DECR1: variants seen among roughly 807,000 people sequenced by gnomAD.
DECR1 encodes 2,4-dienoyl-CoA reductase 1.
Under a neutral mutation model 38.8 loss-of-function variants are expected in DECR1, and 44 were observed. The ratio of observed to expected loss-of-function variants is 1.13; its 90% confidence interval spans 0.89 to 1.46. The LOEUF is 1.46. DECR1 is among the 40% of genes most tolerant of loss of function. DECR1 has a pLI of 0.00. For missense variants in DECR1, 428 were observed against 405.5 expected (o/e 1.06, Z -0.48); for synonymous variants, 148 against 135.2 (o/e 1.09, Z -0.66).
Position 90,018,970 on chromosome 8 carries a change from C to T in DECR1, c.330+4C>T. 1.3e-6 allele frequency: 2 copies of T among 1,588,624 alleles called. No individual in the cohort carries two copies. Among genetic ancestry groups the T allele is most frequent in the South Asian group, 1.1e-5 (1 of 88,784 alleles). On this transcript the variant is annotated splice_donor_region_variant and intron_variant, in intron 3 of 9. Coordinates refer to ENST00000220764, the MANE Select transcript of DECR1 (RefSeq NM_001359.2). Reference sequence around the variant, plus strand: ...TTCTTCTCAAACTGGAAATAAGGTACATTAAAAATCAGTTATTTAATTTAG... The same window carrying T: ...TTCTTCTCAAACTGGAAATAAGGTATATTAAAAATCAGTTATTTAATTTAG...
chr8:90,023,473 A>G (rs1449748289), intron 5 of DECR1, among the ~76,000 whole-genome samples: 2 of 152,000 alleles, frequency 1.3e-5, no homozygotes, highest in Non-Finnish European at 2.9e-5. Flanking sequence ...TTCCTTCCCA[A>G]CTGATAAGCC....
At chr8:90,051,602 A>G (rs1291924463) in intron 8 of DECR1, 75 bp from the exon 9 acceptor site, 9 of 1,160,196 alleles carry the variant, frequency 7.8e-6, no homozygotes, top group Admixed American at 1.9e-5. Flanking sequence ...TCCAATTAGT[A>G]TGGGAAAATG....
chr8:90,021,367 A>T (rs1445772779), intron 5 of DECR1, among the ~76,000 whole-genome samples: 1 of 152,176 alleles, frequency 6.6e-6, no homozygotes, highest in East Asian at 1.9e-4. Flanking sequence ...GAGGAGGGAA[A>T]GGACATGTGA....
At chr8:90,043,874 C>G (rs1471490498) in intron 7 of DECR1, among the ~76,000 whole-genome samples, 8 of 152,192 alleles carry the variant, frequency 5.3e-5, no homozygotes, top group Non-Finnish European at 5.9e-5. Context: ...ACAAACGCTT[C>G]TCTCCAAGAC....
rs200122846 is a variant in DECR1 at position 90,051,890 on chromosome 8, G to C, written c.1001G>C (p.Gly334Ala). 139 of 1,613,624 alleles carry C rather than the reference G, an allele frequency of 8.6e-5. 1 individual carries two copies. Among genetic ancestry groups the C allele is most frequent in the Non-Finnish European group, 1.1e-4 (128 of 1,179,790 alleles). ...GAAGAACTCATCAGGAAGACAAAAG[G>C]TTCCTAAGACCACTTTGGCCTTCAT... The part of the protein sequence containing the change: ...TIEELIRKTK[G>A]S The change falls in exon 10 of 10, where the codon GGT (glycine) becomes GCT (alanine). Residue 334 changes from glycine to alanine, a missense_variant. Gly to Ala is a moderately conservative substitution (Grantham distance 60). Transcript: ENST00000220764.
intron 1 of DECR1, chr8:90,003,104 A>G (rs1009927564): frequency 2.6e-5 from 4 of 152,208 alleles, no homozygotes; most frequent in Non-Finnish European, 5.9e-5. Flanking sequence ...GGGAGGCAAG[A>G]GAGGTACCTG....
At chr8:90,026,798 C>A (rs1290431407) in intron 5 of DECR1, among the ~76,000 whole-genome samples, 4 of 152,162 alleles carry the variant, frequency 2.6e-5, no homozygotes, top group African/African-American at 9.7e-5. Flanking sequence ...TTCTCTAGTT[C>A]TTTTAATTGT....
intron 6 of DECR1, among the ~76,000 whole-genome samples, chr8:90,041,273 T>C (rs1200679743): frequency 1.3e-5 from 2 of 152,194 alleles, no homozygotes; most frequent in African/African-American, 4.8e-5. Flanking sequence ...ATGTCTTCTT[T>C]TGAGAAGCGT....
At chr8:90,007,057 T>A (rs912223208) in intron 1 of DECR1, among the ~76,000 whole-genome samples, 2 of 152,136 alleles carry the variant, frequency 1.3e-5, no homozygotes, top group Admixed American at 6.5e-5. Flanking sequence ...ATGTTAATTC[T>A]CCCTGGGAGT....
intron 5 of DECR1, among the ~76,000 whole-genome samples, chr8:90,025,316 A>G (rs1813302529): frequency 6.6e-6 from 1 of 152,096 alleles, no homozygotes; most frequent in Non-Finnish European, 1.5e-5. Flanking sequence ...CTTGGGCAGT[A>G]TGGCCATTTT....
At chr8:90,044,360 ATTGT>A (rs920294870) in intron 7 of DECR1, among the ~76,000 whole-genome samples, 26 of 152,330 alleles carry the variant, frequency 1.7e-4, no homozygotes, top group Non-Finnish European at 3.7e-4. Context: ...CAGAAAGCAA[ATTGT>A]TTGGCCAATT....
At chr8:90,034,450 GTTTA>G (rs979380339) in intron 5 of DECR1, among the ~76,000 whole-genome samples, 14 of 151,838 alleles carry the variant, frequency 9.2e-5, no homozygotes, top group South Asian at 2.1e-4. Context: ...TTGTTTGTTT[GTTTA>G]TTTATTTATT....
Position 90,035,886 on chromosome 8 carries a change from A to G in DECR1, c.566-955A>G, listed in dbSNP as rs76444932. Among the ~76,000 whole-genome samples the G allele has an allele frequency of 5.2e-3, 784 of 152,192 alleles. 12 individuals are homozygous for G. The highest frequency in any genetic ancestry group is 0.017 in the African/African-American group (701 of 41,542). The stretch of plus-strand genomic sequence containing the variant: ...TTTAAAGCTTTATTTCAGCAAGTAT[A>G]TAGTAGTCCTTACTTTGGGGCTAAT... On this transcript the variant is annotated intron_variant, in intron 5 of 9. Coordinates refer to ENST00000220764, the MANE Select transcript of DECR1 (RefSeq NM_001359.2).
chr8:90,018,739 T>C lies in DECR1; in HGVS notation c.273-170T>C, dbSNP rs948800133. 1.2e-5 allele frequency: 7 copies of C among 587,612 alleles called. No individual in the cohort carries two copies. The African/African-American group carries it at 1.3e-4, about 11-fold the overall frequency. The allele number at this position is 587,612 out of a possible 1,614,324, so 36.4% of individuals were successfully genotyped here. ...ATTCAATAAGTTAGTATCAAATATA[T>C]AAAAATGATCTAAATTTGACTTTTA... is the stretch of plus-strand genomic sequence containing the variant. On this transcript the variant is annotated intron_variant, in intron 2 of 9. Transcript: ENST00000220764.
intron 1 of DECR1, among the ~76,000 whole-genome samples, chr8:90,003,777 T>C (rs1375815425): frequency 6.6e-6 from 1 of 151,828 alleles, no homozygotes; most frequent in Non-Finnish European, 1.5e-5. Context: ...CTGTCTCTAG[T>C]AAAAATACAA....
intron 1 of DECR1, 45 bp from the exon 2 acceptor site, chr8:90,017,079 T>C (rs776696351): frequency 7.1e-7 from 1 of 1,413,690 alleles, no homozygotes; most frequent in South Asian, 1.2e-5. Context: ...CATCTGTTTT[T>C]TGGAAATATA....
intron 1 of DECR1, among the ~76,000 whole-genome samples, chr8:90,002,178 C>T (rs1357749088): frequency 3.3e-5 from 5 of 152,180 alleles, no homozygotes; most frequent in African/African-American, 1.2e-4. Context: ...GGCGCCCGTC[C>T]ACCCCTTAAG....
Position 90,019,068 on chromosome 8 carries a change from C to G in DECR1, c.331-18C>G, listed in dbSNP as rs371840859. On this transcript the variant is annotated intron_variant, in intron 3 of 9. Transcript: ENST00000220764. ...TAAGAAAGCTGGAAAATGTCATATT[C>G]TTTTTGTTATTTTGCAGGTTCATGC... 1 of 1,611,710 alleles carries G rather than the reference C, an allele frequency of 6.2e-7. No homozygotes were observed. The highest frequency in any genetic ancestry group is 1.1e-5 in the South Asian group (1 of 90,922).
At chr8:90,015,531 C>T in intron 1 of DECR1, 2 of 371,796 alleles carry the variant, frequency 5.4e-6, no homozygotes, top group South Asian at 2.0e-5. Context: ...TTTTCTTGTG[C>T]AATTTCCAGG....
Sources: allele counts gnomAD v4.1 joint callset (sites outside exome capture counted in the v4.1 genomes callset), GRCh38; gene constraint gnomAD v4.1.1; transcripts MANE v1.5; gene names NCBI Gene and HGNC (gene_info 2026-07-23, HGNC 2026-07-21).